GPA33: variants seen among roughly 807,000 people sequenced by gnomAD.
GPA33 encodes the protein glycoprotein A33.
GPA33 carries 27 observed loss-of-function variants against 35.6 expected under a neutral mutation model. The observed-to-expected ratio is 0.76, with a 90% confidence interval of 0.56 to 1.04. The LOEUF is 1.04. Among genes scored for constraint, GPA33 ranks in the 50% least tolerant of loss-of-function variants. The pLI, the probability that GPA33 is intolerant of heterozygous loss-of-function variation, is 0.00. For synonymous variants in GPA33, 176 were observed against 164.0 expected, an observed-to-expected ratio of 1.07 and a Z score of -0.56; for missense variants, 428 against 411.9, an observed-to-expected ratio of 1.04 and a Z score of -0.34.
intron 4 of GPA33, among the ~76,000 whole-genome samples, chr1:167,059,306 T>G (rs756673963): frequency 2.0e-5 from 3 of 152,146 alleles, no homozygotes; most frequent in Non-Finnish European, 4.4e-5. Context: ...CGGAGAAAAC[T>G]AATGTTTCCG....
At chr1:167,061,953 C>T (rs946979556) in intron 4 of GPA33, among the ~76,000 whole-genome samples, 1 of 152,014 alleles carries the variant, frequency 6.6e-6, no homozygotes, top group African/African-American at 2.4e-5. Flanking sequence ...ATGTGTGCAT[C>T]CGTCCGGCTG....
intron 2 of GPA33, among the ~76,000 whole-genome samples, chr1:167,069,798 G>C (rs1295310225): frequency 6.6e-6 from 1 of 152,192 alleles, no homozygotes; most frequent in Non-Finnish European, 1.5e-5. Flanking sequence ...CTGCCTCTCA[G>C]GACTGTAGTG....
intron 1 of GPA33, among the ~76,000 whole-genome samples, chr1:167,077,920 CA>C (rs987481790): frequency 6.6e-6 from 1 of 152,164 alleles, no homozygotes; most frequent in Non-Finnish European, 1.5e-5. Context: ...ATTGAGGTTC[CA>C]AAAGGTTAAA....
chr1:167,058,230 A>G (rs1195065716), intron 4 of GPA33: 1 of 152,346 alleles, frequency 6.6e-6, no homozygotes, highest in Admixed American at 6.5e-5. Flanking sequence ...AAAATTTTGT[A>G]TGATAAAAGC....
chr1:167,090,232 G>A lies in GPA33; in HGVS notation c.43+13C>T. The A allele has an allele frequency of 2.5e-6, 4 of 1,605,240 alleles. No homozygotes were observed. Among genetic ancestry groups the A allele is most frequent in the Non-Finnish European group, 2.6e-6 (3 of 1,171,898 alleles). On this transcript the variant is annotated intron_variant, in intron 1 of 6. Transcript: ENST00000367868. ...CCACCCCTGGGCACTGGAGAGAAAA[G>A]GGGCCTACTCACCTGCACAGAGTGT...
intron 4 of GPA33, among the ~76,000 whole-genome samples, chr1:167,056,575 GGCATATGTGTGGTATGT>G (rs1173083188): frequency 2.2e-4 from 2 of 9,258 alleles, no homozygotes; most frequent in South Asian, 3.6e-3. Context: ...TGGTGTGTGT[GGCATATGTGTGGTATGT>G]GTGTATGTGG....
intron 4 of GPA33, among the ~76,000 whole-genome samples, chr1:167,056,634 T>C: frequency 8.6e-6 from 1 of 115,866 alleles, no homozygotes; most frequent in Non-Finnish European, 1.9e-5. Flanking sequence ...GTGTGTGATG[T>C]GTGTGGTGTG....
At chr1:167,072,441 T>C (rs1666738683) in intron 2 of GPA33, among the ~76,000 whole-genome samples, 1 of 152,190 alleles carries the variant, frequency 6.6e-6, no homozygotes, top group Admixed American at 6.5e-5. Flanking sequence ...CTGTTGGTGG[T>C]GAAAATAAAG....
rs1666173769 is a variant in GPA33 at position 167,054,056 on chromosome 1, G to A, written c.*278C>T. ...GGAGCTCCTGCCAACTACGAGGGAA[G>A]TGGAGGCTGCAGCCTGGTCTTGAGT... On this transcript the variant is annotated 3_prime_UTR_variant, in exon 7 of 7. Transcript: ENST00000367868. The A allele has an allele frequency of 4.4e-6, 2 of 451,076 alleles. No individual in the cohort carries two copies. Among genetic ancestry groups the A allele is most frequent in the East Asian group, 4.3e-5 (1 of 23,324 alleles). 27.9% of individuals were successfully genotyped at this position (451,076 alleles called of 1,614,324 possible). A position where few individuals can be genotyped will look rare whatever the true frequency, so the allele number is the denominator to read the frequency against.
intron 1 of GPA33, among the ~76,000 whole-genome samples, chr1:167,087,103 T>C (rs1163381274): frequency 6.6e-6 from 1 of 152,300 alleles, no homozygotes; most frequent in African/African-American, 2.4e-5. Flanking sequence ...CATTGGAGCA[T>C]TTTCTCTAAC....
chr1:167,056,612 TGTGTGTGGTGA>T (rs1193100977), intron 4 of GPA33, among the ~76,000 whole-genome samples: 1 of 44 alleles, frequency 0.023, no homozygotes, highest in South Asian at 0.25. Flanking sequence ...GTGTGTGTAG[TGTGTGTGGTGA>T]GTGTGTGATG....
chr1:167,056,849 TGTGTGTGGTGTGTGTGTG>T (rs1479700800), intron 4 of GPA33, among the ~76,000 whole-genome samples: 49 of 22,766 alleles, frequency 2.2e-3, no homozygotes, highest in African/African-American at 7.4e-3. Context: ...GAGTGTGTAA[TGTGTGTGGTGTGTGTGTG>T]GTGTGTGGTG....
intron 2 of GPA33, among the ~76,000 whole-genome samples, chr1:167,070,244 A>G (rs1666689507): frequency 1.3e-5 from 2 of 152,172 alleles, no homozygotes; most frequent in South Asian, 2.1e-4. Flanking sequence ...TTCAGTATGA[A>G]TGGAGGTAAG....
chr1:167,063,897 A>G (rs1298991339), intron 3 of GPA33, among the ~76,000 whole-genome samples, 160 bp from the exon 4 acceptor site: 3 of 151,412 alleles, frequency 2.0e-5, no homozygotes, highest in Non-Finnish European at 2.9e-5. Flanking sequence ...TGTAAAACCA[A>G]TTCACCCCAA....
chr1:167,055,698 T>C, intron 5 of GPA33, 32 bp downstream of exon 5: 1 of 1,611,750 alleles, frequency 6.2e-7, no homozygotes, highest in African/African-American at 1.3e-5. Context: ...CCTGTGGCGT[T>C]TGTCAGCCCT....
chr1:167,084,402 G>T (rs1445692004), intron 1 of GPA33, among the ~76,000 whole-genome samples: 1 of 152,204 alleles, frequency 6.6e-6, no homozygotes, highest in East Asian at 1.9e-4. Flanking sequence ...GGGATAAAGA[G>T]ATCAAGGGTG....
chr1:167,057,844 A>G (rs1666342870), intron 4 of GPA33, among the ~76,000 whole-genome samples: 1 of 152,208 alleles, frequency 6.6e-6, no homozygotes, highest in Non-Finnish European at 1.5e-5. Context: ...AGAAATTATA[A>G]AACAGGAACA....
chr1:167,086,337 G>A (rs1036222931), intron 1 of GPA33, among the ~76,000 whole-genome samples: 10 of 152,234 alleles, frequency 6.6e-5, no homozygotes, highest in Admixed American at 4.6e-4. Flanking sequence ...TTGCATTTGC[G>A]GGCTGACACC....
intron 3 of GPA33, among the ~76,000 whole-genome samples, chr1:167,064,907 C>T (rs1011856892): frequency 6.6e-6 from 1 of 152,214 alleles, no homozygotes; most frequent in Admixed American, 6.5e-5. Context: ...TGAGGGGACT[C>T]GAGCAGGCAG....
Sources: gnomAD v4.1 joint callset for allele counts (sites outside exome capture counted in the v4.1 genomes callset) on GRCh38, gnomAD v4.1.1 for gene constraint, MANE v1.5 for transcripts, NCBI Gene and HGNC (gene_info 2026-07-23, HGNC 2026-07-21) for gene names.